The following SBDS variants were observed in gnomAD, a reference collection of about 807,000 sequenced individuals.
SBDS encodes SBDS ribosome maturation factor, also known as ribosome maturation protein SBDS.
A neutral mutation model predicts 26.4 loss-of-function variants in SBDS; 20 were observed. The observed-to-expected ratio is 0.76, with a 90% CI of 0.53 to 1.10. The LOEUF is 1.10. Among genes scored for constraint, SBDS ranks in the 50% least tolerant of loss-of-function variants. SBDS has a pLI of 0.00. For missense variants in SBDS, 241 were observed against 302.0 expected, an observed-to-expected ratio of 0.80 and a Z score of 1.50; for synonymous variants, 95 against 105.1, an observed-to-expected ratio of 0.90 and a Z score of 0.59.
Position 66,988,278 on chromosome 7 carries a change from T to G in SBDS, c.*93A>C. On this transcript the variant is annotated 3_prime_UTR_variant, in exon 5 of 5. Transcript: ENST00000246868. ...CACAAAGATAGAAAATGTCAAATAG[T>G]TTAAGCAAGTATTTGGCAGACCACA... 1 of 1,373,664 alleles carries G rather than the reference T, an allele frequency of 7.3e-7. No individual in the cohort carries two copies. Among genetic ancestry groups the G allele is most frequent in the Non-Finnish European group, 1.0e-6 (1 of 973,872 alleles). 85.1% of individuals were successfully genotyped at this position (1,373,664 alleles called of 1,614,324 possible). A position where few individuals can be genotyped will look rare whatever the true frequency, so the allele number is the denominator to read the frequency against.
intron 3 of SBDS, among the ~76,000 whole-genome samples, chr7:66,992,844 C>T (rs1424747486): frequency 1.3e-5 from 2 of 151,924 alleles, no homozygotes; most frequent in African/African-American, 4.8e-5. Flanking sequence ...CTCAACTCTA[C>T]TAAAAATACA....
In SBDS at chr7:66,988,368, G is replaced by A. The variant is rs530926369; in HGVS notation, c.*3C>T. The A allele has an allele frequency of 2.5e-6, 4 of 1,612,984 alleles. No individual in the cohort carries two copies. The highest frequency in any genetic ancestry group is 3.4e-6 in the Non-Finnish European group (4 of 1,179,890). On this transcript the variant is annotated 3_prime_UTR_variant, in exon 5 of 5. Transcript: ENST00000246868. ...GTTTTAGAGGTGAAGAGATTGATGG[G>A]TGTCATTCAAATTTCTCATCTCCTT...
intron 3 of SBDS, among the ~76,000 whole-genome samples, chr7:66,992,864 G>T (rs534026561): frequency 6.6e-6 from 1 of 152,090 alleles, no homozygotes; most frequent in East Asian, 1.9e-4. Context: ...AAAATTAGCT[G>T]AGTGTGGTGG....
Position 66,989,504 on chromosome 7 carries a change from C to T in SBDS, c.625-1005G>A, listed in dbSNP as rs1792932706. ...AGGTTGCAGTGAGCTGAGATCACGC[C>T]ATTGCACTCTAGCTTGGGCAATAAG... On this transcript the variant is annotated intron_variant, in intron 4 of 4. Transcript: ENST00000246868. 2.6e-5 allele frequency among the ~76,000 whole-genome samples: 4 copies of T among 151,992 alleles called. 1 individual carries two copies. The highest frequency in any genetic ancestry group is 9.7e-5 in the African/African-American group (4 of 41,382).
Position 66,990,899 on chromosome 7 carries a change from C to T in SBDS, c.624+238G>A, listed in dbSNP as rs190078525. ...AGGCTTGGTGGCGGGTGCCTGTAGT[C>T]CCAGCTACACAGGAGGCTGAGGCAG... On this transcript the variant is annotated intron_variant, in intron 4 of 4. Coordinates refer to ENST00000246868, the MANE Select transcript of SBDS (RefSeq NM_016038.4). 2.4e-3 allele frequency among the ~76,000 whole-genome samples: 358 copies of T among 152,146 alleles called. 1 individual carries two copies. Among genetic ancestry groups the T allele is most frequent in the African/African-American group, 6.8e-3 (284 of 41,512 alleles).
intron 3 of SBDS, among the ~76,000 whole-genome samples, chr7:66,992,384 G>A (rs1288916457): frequency 1.3e-5 from 2 of 151,982 alleles, no homozygotes; most frequent in African/African-American, 2.4e-5. Context: ...AAATGTTCTC[G>A]AACCAGGTAG....
chr7:66,990,999 A>G, intron 4 of SBDS, 138 bp downstream of exon 4: 2 of 764,912 alleles, frequency 2.6e-6, no homozygotes, highest in Non-Finnish European at 4.0e-6. Flanking sequence ...CCTGGGCAAC[A>G]GAGCGAGACT....
chr7:66,994,634 A>G (rs1462081902), intron 1 of SBDS, among the ~76,000 whole-genome samples: 1 of 152,118 alleles, frequency 6.6e-6, no homozygotes, highest in African/African-American at 2.4e-5. Context: ...AACTGGGATT[A>G]CAGGCATGCG....
chr7:66,991,201 T>G lies in SBDS; in HGVS notation c.560A>C (p.Lys187Thr). 6.2e-7 allele frequency: 1 copy of G among 1,614,148 alleles called. No individual in the cohort carries two copies. The highest frequency in any genetic ancestry group is 8.5e-7 in the Non-Finnish European group (1 of 1,180,008). The change falls in exon 4 of 5, where the codon AAA becomes ACA. Residue 187 changes from lysine (K) to threonine (T), a missense_variant. Coordinates refer to ENST00000246868, the MANE Select transcript of SBDS (RefSeq NM_016038.4). ...ILPVNEGKKL[K>T]EKLKPLIKVI... The stretch of plus-strand genomic sequence containing the variant: ...CTTGATCAGTGGCTTGAGCTTTTCT[T>G]TCAGCTTCTTGCCTTCATTGACTGG...
chr7:66,991,306 C>G lies in SBDS; in HGVS notation c.460-5G>C. ...CTGCTTTATCACTTCCAAAGCCTACCAAGACAAAATCGAGAATGCAATTTC... is the reference window on the plus strand; with the variant it reads ...CTGCTTTATCACTTCCAAAGCCTACGAAGACAAAATCGAGAATGCAATTTC... On this transcript the variant is annotated splice_polypyrimidine_tract_variant and splice_region_variant and intron_variant, in intron 3 of 4. Coordinates refer to ENST00000246868, the MANE Select transcript of SBDS (RefSeq NM_016038.4). The G allele has an allele frequency of 1.9e-6, 3 of 1,604,890 alleles. No individual in the cohort carries two copies. The highest frequency in any genetic ancestry group is 2.6e-6 in the Non-Finnish European group (3 of 1,174,114).
rs564159611 is a variant in SBDS, at chr7:66,994,252, C to G, written c.218G>C (p.Ser73Thr). The change falls in exon 2 of 5, where the codon AGT (serine) becomes ACT (threonine). Residue 73 changes from serine (S) to threonine (T), a missense_variant. Physicochemically the swap from Ser to Thr is moderately conservative, Grantham distance 58. Transcript: ENST00000246868. ...GQVAKKEDLI[S>T]AFGTDDQTEI... The stretch of plus-strand genomic sequence containing the variant: ...AGTTTGGTCATCTGTTCCAAACGCA[C>G]TGATGAGATCTTCCTTTTTGGCAAC... 1.1e-5 allele frequency: 17 copies of G among 1,614,182 alleles called. No individual in the cohort carries two copies. In the East Asian group the frequency reaches 1.8e-4, roughly 17 times the overall value.
chr7:66,992,833 C>T (rs1164100209), intron 3 of SBDS, among the ~76,000 whole-genome samples: 1 of 151,948 alleles, frequency 6.6e-6, no homozygotes, highest in Non-Finnish European at 1.5e-5. Flanking sequence ...CATGGTGAAA[C>T]CTCAACTCTA....
rs1364729319 is a variant in SBDS, at chr7:66,993,219, G to C, written c.457C>G (p.Gln153Glu). 4 of 1,612,946 alleles carry C rather than the reference G, an allele frequency of 2.5e-6. No homozygotes were observed. Among genetic ancestry groups the C allele is most frequent in the Non-Finnish European group, 3.4e-6 (4 of 1,179,142 alleles). ...SVKTNKSTKQQALEVIKQLKE... is the reference protein window; with the variant it reads ...SVKTNKSTKQEALEVIKQLKE... ...TGATGACATGAGAAACCACTCACCT[G>C]CTGTTTTGTACTCTTGTTGGTTTTC... is the stretch of plus-strand genomic sequence containing the variant. Residue 153 changes from glutamine (Q) to glutamate (E), a missense_variant and splice_region_variant, in exon 3 of 5, where the codon CAG becomes GAG. Transcript: ENST00000246868.
chr7:66,991,040 A>G, intron 4 of SBDS, 97 bp downstream of exon 4: 3 of 1,165,378 alleles, frequency 2.6e-6, no homozygotes, highest in Non-Finnish European at 3.7e-6. Flanking sequence ...AAAAGAAAAT[A>G]TCTGACGTTT....
intron 4 of SBDS, among the ~76,000 whole-genome samples, chr7:66,990,307 C>G (rs1439491760): frequency 6.6e-6 from 1 of 152,190 alleles, no homozygotes; most frequent in African/African-American, 2.4e-5. Context: ...CATGAGCCAC[C>G]GCGCCCAGCC....
Position 66,991,224 on chromosome 7 carries a change from T to C in SBDS, c.537A>G (p.Pro179=). The C allele has an allele frequency of 6.2e-7, 1 of 1,613,988 alleles. No individual in the cohort carries two copies. The highest frequency in any genetic ancestry group is 8.5e-7 in the Non-Finnish European group (1 of 1,179,854). ...RAHMRLRFIL[P]VNEGKKLKEK... is the part of the protein sequence containing the mutation. ...CTTTCAGCTTCTTGCCTTCATTGAC[T>C]GGAAGGATGAACCGAAGCCTCATGT... The change falls in exon 4 of 5, where the codon CCA becomes CCG. Residue 179 remains proline, a synonymous_variant. Coordinates refer to ENST00000246868, the MANE Select transcript of SBDS (RefSeq NM_016038.4).
Position 66,993,096 on chromosome 7 carries a change from C to CA in SBDS, c.459+120dup, listed in dbSNP as rs374311247. 6.4e-4 allele frequency: 605 copies of CA among 945,478 alleles called. 2 individuals carry two copies. In the African/African-American group the frequency reaches 8.6e-3, roughly 13 times the overall value. The allele number at this position is 945,478 out of a possible 1,614,324, so 58.6% of individuals were successfully genotyped here. A position where few individuals can be genotyped will look rare whatever the true frequency, so the allele number is the denominator to read the frequency against. ...CAAGCAATCCTCCCATCTTGGCTCC[C>CA]AAAGTGCTAGGATTACAGGCATGAA... On this transcript the variant is annotated intron_variant, in intron 3 of 4. Coordinates refer to ENST00000246868, the MANE Select transcript of SBDS (RefSeq NM_016038.4).
At chr7:66,995,233 C>G in intron 1 of SBDS, 57 bp downstream of exon 1, 5 of 1,611,262 alleles carry the variant, frequency 3.1e-6, no homozygotes, top group Non-Finnish European at 4.2e-6. Flanking sequence ...AGAGACAGGC[C>G]GCCTCGGAGG....
In SBDS at chr7:66,993,550, A is replaced by G. The variant is rs1793020506; in HGVS notation, c.259-133T>C. 3 of 755,410 alleles carry G rather than the reference A, an allele frequency of 4.0e-6. No homozygotes were observed. In the South Asian group the frequency reaches 4.6e-5, roughly 12 times the overall value. 46.8% of individuals were successfully genotyped at this position (755,410 alleles called of 1,614,324 possible). A position where few individuals can be genotyped will look rare whatever the true frequency, so the allele number is the denominator to read the frequency against. On this transcript the variant is annotated intron_variant, in intron 2 of 4. Transcript: ENST00000246868. ...CATCCTCTCCAGCTATCAATATGTA[A>G]GTAATGGTTTGAGCTTTGCCCAAAA...
Sources: gnomAD v4.1 joint callset for allele counts (sites outside exome capture counted in the v4.1 genomes callset) on GRCh38, gnomAD v4.1.1 for gene constraint, MANE v1.5 for transcripts, NCBI Gene and HGNC (gene_info 2026-07-23, HGNC 2026-07-21) for gene names.